MAK: variants seen among roughly 807,000 people sequenced by gnomAD.
MAK encodes male germ cell associated kinase, also known as serine/threonine-protein kinase MAK.
Under a neutral mutation model 82.6 loss-of-function variants are expected in MAK, and 65 were observed. The observed-to-expected ratio is 0.79, with a 90% CI of 0.64 to 0.97. The LOEUF (loss-of-function observed/expected upper bound fraction) is 0.97. Ranked by LOEUF, MAK falls within the 50% of genes least tolerant of loss-of-function variation. MAK has a pLI of 0.00. For missense variants in MAK, 703 were observed against 780.2 expected (o/e 0.90, Z 1.18); for synonymous variants, 250 against 274.2 (o/e 0.91, Z 0.87).
intron 6 of MAK, among the ~76,000 whole-genome samples, chr6:10,804,530 A>G (rs568961891): frequency 1.1e-3 from 162 of 152,266 alleles, no homozygotes; most frequent in Middle Eastern, 3.4e-3. Flanking sequence ...TTTAGTAGAG[A>G]CGGGGTTTCC....
chr6:10,792,111 T>C, intron 9 of MAK, among the ~76,000 whole-genome samples: 1 of 150,394 alleles, frequency 6.6e-6, no homozygotes, highest in East Asian at 2.0e-4. Context: ...TGACTCTTCA[T>C]TGACAGGAAG....
intron 5 of MAK, among the ~76,000 whole-genome samples, chr6:10,812,873 C>T (rs1014723724): frequency 6.6e-6 from 1 of 150,876 alleles, no homozygotes; most frequent in East Asian, 1.9e-4. Flanking sequence ...AAGCGATTCT[C>T]CTGCCTCAGA....
chr6:10,781,296 C>G (rs1373599486), intron 11 of MAK, among the ~76,000 whole-genome samples: 1 of 152,080 alleles, frequency 6.6e-6, no homozygotes, highest in East Asian at 1.9e-4. Context: ...AACTTATTTT[C>G]TCTCACTTTC....
Position 10,803,758 on chromosome 6 carries a change from T to C in MAK, c.625A>G (p.Ile209Val). Residue 209 changes from isoleucine to valine, a missense_variant, in exon 7 of 15, where the codon ATC becomes GTC. Coordinates refer to ENST00000354489, the MANE Select transcript of MAK (RefSeq NM_001242957.3). ...CCTAAAACTTGGCAAATTTTAAAGATTTCATCGACCTCACTTGTCCCTGGG... is the reference window on the plus strand; with the variant it reads ...CCTAAAACTTGGCAAATTTTAAAGACTTCATCGACCTCACTTGTCCCTGGG... ...LFPGTSEVDE[I>V]FKICQVLGTP... The C allele has an allele frequency of 6.2e-7, 1 of 1,614,118 alleles. No homozygotes were observed. The highest frequency in any genetic ancestry group is 8.5e-7 in the Non-Finnish European group (1 of 1,180,012).
intron 2 of MAK, among the ~76,000 whole-genome samples, chr6:10,828,202 A>G (rs1778524201): frequency 6.6e-6 from 1 of 152,214 alleles, no homozygotes; most frequent in African/African-American, 2.4e-5. Flanking sequence ...ATTTTAAAAC[A>G]TTTGCTAAAG....
rs1778251565 is a variant in MAK at position 10,824,958 on chromosome 6, A to G, written c.101+5590T>C. ...AGCCCCTTTCCTTCTGCCTCCTAATATAGAGACTGGAAGAGTAAATACTCA... is the reference window on the plus strand; with the variant it reads ...AGCCCCTTTCCTTCTGCCTCCTAATGTAGAGACTGGAAGAGTAAATACTCA... On this transcript the variant is annotated intron_variant, in intron 2 of 14. Coordinates refer to ENST00000354489, the MANE Select transcript of MAK (RefSeq NM_001242957.3). Among the ~76,000 whole-genome samples the G allele has an allele frequency of 3.3e-5, 5 of 152,268 alleles. No individual in the cohort carries two copies. The South Asian group carries it at 1.0e-3, about 32-fold the overall frequency.
chr6:10,812,447 T>C (rs186437461), intron 5 of MAK, among the ~76,000 whole-genome samples: 1 of 152,312 alleles, frequency 6.6e-6, no homozygotes, highest in East Asian at 1.9e-4. Context: ...ACATAATTCA[T>C]AGAAAATAGA....
chr6:10,790,139 CT>C, intron 10 of MAK, among the ~76,000 whole-genome samples: 1 of 152,286 alleles, frequency 6.6e-6, no homozygotes, highest in Non-Finnish European at 1.5e-5. Context: ...AGAGGTGTGA[CT>C]TTCTTGCCTA....
chr6:10,803,621 A>T, intron 7 of MAK, 99 bp downstream of exon 7: 1 of 954,930 alleles, frequency 1.0e-6, no homozygotes, highest in Non-Finnish European at 1.6e-6. Context: ...TCAGATATCT[A>T]GGCAAAAGTT....
chr6:10,838,180 G>A (rs1382432930), intron 1 of MAK: 2 of 152,400 alleles, frequency 1.3e-5, no homozygotes, highest in Admixed American at 6.5e-5. Context: ...CAGGCTAAGG[G>A]ACGCCCGGCC....
intron 14 of MAK, 39 bp downstream of exon 14, chr6:10,770,072 G>A: frequency 6.2e-7 from 1 of 1,614,012 alleles, no homozygotes; most frequent in Non-Finnish European, 8.5e-7. Context: ...GTTCCTTTCT[G>A]CTAGGAATCT....
intron 6 of MAK, among the ~76,000 whole-genome samples, chr6:10,805,844 G>T (rs1391537434): frequency 6.6e-6 from 1 of 152,142 alleles, no homozygotes; most frequent in Non-Finnish European, 1.5e-5. Context: ...GTGCCTTCAC[G>T]TGTCTTCCCT....
At chr6:10,773,271 T>C (rs1773180601) in intron 12 of MAK, among the ~76,000 whole-genome samples, 163 bp from the exon 13 acceptor site, 1 of 152,230 alleles carries the variant, frequency 6.6e-6, no homozygotes, top group South Asian at 2.1e-4. Context: ...ATGCCAACTG[T>C]ATATTCCCTT....
At chr6:10,769,504 G>A (rs1037893633) in intron 14 of MAK, among the ~76,000 whole-genome samples, 3 of 152,148 alleles carry the variant, frequency 2.0e-5, no homozygotes, top group African/African-American at 7.2e-5. Context: ...CCTTCCCCCT[G>A]AATACTATTG....
Position 10,801,768 on chromosome 6 carries a change from A to T in MAK, c.831+124T>A, listed in dbSNP as rs556529999. On this transcript the variant is annotated intron_variant, in intron 8 of 14. Transcript: ENST00000354489. ...TTATTACATACGCTGGATGCCTAGG[A>T]CTTTGTGTTTAATTCTCTTAGTAAA... is the stretch of plus-strand genomic sequence containing the variant. 2.0e-5 allele frequency: 17 copies of T among 853,618 alleles called. 1 individual carries two copies. The South Asian group carries it at 2.5e-4, about 13-fold the overall frequency. The allele number at this position is 853,618 out of a possible 1,614,324, so 52.9% of individuals were successfully genotyped here. A position where few individuals can be genotyped will look rare whatever the true frequency, so the allele number is the denominator to read the frequency against.
chr6:10,798,464 G>A (rs1368149046), intron 8 of MAK, among the ~76,000 whole-genome samples: 4 of 152,048 alleles, frequency 2.6e-5, no homozygotes. Context: ...CCTTCAAGAA[G>A]AGGGAAAACT....
intron 11 of MAK, among the ~76,000 whole-genome samples, chr6:10,779,934 G>A (rs554505055): frequency 6.6e-6 from 1 of 152,234 alleles, no homozygotes; most frequent in Non-Finnish European, 1.5e-5. Flanking sequence ...TGATCCACCG[G>A]CTTTGGCCTC....
chr6:10,798,052 G>A, intron 8 of MAK: 1 of 739,678 alleles, frequency 1.4e-6, no homozygotes, highest in Non-Finnish European at 1.6e-6. Flanking sequence ...TGCATATTTT[G>A]GAGCTGGAAA....
At chr6:10,835,677 GA>G (rs1779105569) in intron 1 of MAK, among the ~76,000 whole-genome samples, 1 of 152,174 alleles carries the variant, frequency 6.6e-6, no homozygotes, top group Non-Finnish European at 1.5e-5. Context: ...CTAAAAGGTA[GA>G]AAAGTAATGC....
Sources: allele counts gnomAD v4.1 joint callset (sites outside exome capture counted in the v4.1 genomes callset), GRCh38; gene constraint gnomAD v4.1.1; transcripts MANE v1.5; gene names NCBI Gene and HGNC (gene_info 2026-07-23, HGNC 2026-07-21).